ZSCAN5A: variants seen among roughly 807,000 people sequenced by gnomAD.
The protein encoded by ZSCAN5A is zinc finger and SCAN domain containing 5A, also known as zinc finger and SCAN domain-containing protein 5A.
A neutral mutation model predicts 23.7 loss-of-function variants in ZSCAN5A; 12 were observed. That is an observed-to-expected ratio of 0.51 (90% CI 0.32 to 0.82). The LOEUF (loss-of-function observed/expected upper bound fraction) is 0.82. Ranked by LOEUF, ZSCAN5A falls within the 40% of genes least tolerant of loss-of-function variation. ZSCAN5A has a pLI of 0.03. For synonymous variants in ZSCAN5A, 257 were observed against 239.9 expected (o/e 1.07, Z -0.66); for missense variants, 597 against 617.9 (o/e 0.97, Z 0.36).
At chr19:56,320,083 A>C (rs1044098677) in intron 2 of ZSCAN5A, 1 of 774,318 alleles carries the variant, frequency 1.3e-6, no homozygotes, top group African/African-American at 1.7e-5. Flanking sequence ...TATACCTGTC[A>C]CTGTCTGAAG....
intron 2 of ZSCAN5A, chr19:56,228,205 G>C (rs1017488011): frequency 5.7e-5 from 56 of 983,722 alleles, no homozygotes; most frequent in South Asian, 2.4e-4. Flanking sequence ...ACCAACCCCC[G>C]ACATGCCAGC....
intron 2 of ZSCAN5A, among the ~76,000 whole-genome samples, chr19:56,258,215 G>A (rs2036857684): frequency 6.6e-6 from 1 of 152,234 alleles, no homozygotes. Context: ...TAGTGAGGGG[G>A]TGTGGTTTCA....
In ZSCAN5A at chr19:56,351,880, G is replaced by A. The variant is rs556126006; in HGVS notation, c.-358+11355C>T. 8.7e-4 allele frequency among the ~76,000 whole-genome samples: 132 copies of A among 152,302 alleles called. 1 individual carries two copies. Among genetic ancestry groups the A allele is most frequent in the South Asian group, 5.0e-3 (24 of 4,812 alleles). On this transcript the variant is annotated intron_variant, in intron 2 of 6. Transcript: ENST00000587340. The surrounding 1 kb of genome is among the most constrained non-coding windows in gnomAD (Gnocchi z 4.8). Reference sequence around the variant, plus strand: ...GATGGCTGGTGGATCTATCTGGATTGAAGGGATTCCTTTTCCCAGCAATAA... The same window carrying A: ...GATGGCTGGTGGATCTATCTGGATTAAAGGGATTCCTTTTCCCAGCAATAA...
intron 2 of ZSCAN5A, among the ~76,000 whole-genome samples, chr19:56,356,732 T>A (rs904651452): frequency 6.7e-6 from 1 of 148,862 alleles, no homozygotes; most frequent in Non-Finnish European, 1.5e-5. Flanking sequence ...TAATTTTTAC[T>A]TTTGCCTGCA....
At chr19:56,341,651 G>A (rs1410754942) in intron 2 of ZSCAN5A, among the ~76,000 whole-genome samples, 2 of 101,832 alleles carry the variant, frequency 2.0e-5, no homozygotes, top group Non-Finnish European at 1.9e-5. Context: ...TTTAACCTCA[G>A]TTTTTTCTAA....
chr19:56,284,266 G>A (rs1022799092), intron 2 of ZSCAN5A: 31 of 781,348 alleles, frequency 4.0e-5, no homozygotes, highest in Middle Eastern at 6.5e-4. Flanking sequence ...GAAATTTTGG[G>A]CTTTGCTCTA....
Position 56,268,514 on chromosome 19 carries a change from T to C in ZSCAN5A, c.-127-43341A>G, listed in dbSNP as rs577281039. ...ACTTTTTAAATTTAGTTACTTTTAA[T>C]ATGCACAGTCCCTATGCTTGTACTG... On this transcript the variant is annotated intron_variant, in intron 2 of 5. Coordinates refer to ENST00000683990, the MANE Select transcript of ZSCAN5A (RefSeq NM_001322064.3). Among the ~76,000 whole-genome samples, 18 of 152,364 alleles carry C rather than the reference T, an allele frequency of 1.2e-4. No homozygotes were observed. The South Asian group carries it at 3.7e-3, about 32-fold the overall frequency.
chr19:56,302,095 G>A, intron 2 of ZSCAN5A: 1 of 1,231,912 alleles, frequency 8.1e-7, no homozygotes, highest in South Asian at 4.1e-5. Flanking sequence ...AAGGGGACTG[G>A]GTAAGAAGAA....
intron 2 of ZSCAN5A, among the ~76,000 whole-genome samples, chr19:56,233,207 A>G (rs1368162644): frequency 6.6e-6 from 1 of 152,054 alleles, no homozygotes; most frequent in African/African-American, 2.4e-5. Flanking sequence ...AAGTTTTTAC[A>G]TTTCACATGT....
At chr19:56,266,123 T>A (rs2037452310) in intron 2 of ZSCAN5A, 1 of 152,220 alleles carries the variant, frequency 6.6e-6, no homozygotes, top group African/African-American at 2.4e-5. Context: ...GAAATTATAA[T>A]ACTACCCAGC....
At chr19:56,316,495 C>G (rs1033042716), upstream of ZSCAN5A, 1 of 153,074 alleles carries the variant, frequency 6.5e-6, no homozygotes, top group African/African-American at 2.4e-5. Flanking sequence ...TTTTGACTAT[C>G]AGGATTAGCA....
At chr19:56,272,757 G>A in intron 2 of ZSCAN5A, 1 of 528,838 alleles carries the variant, frequency 1.9e-6, no homozygotes, top group Non-Finnish European at 2.4e-6. Context: ...TGTCCCTGGA[G>A]CCTGGGAAGA....
In ZSCAN5A at chr19:56,221,771, C is replaced by G; in HGVS notation, c.1295G>C (p.Arg432Thr). ...TQKSYLKCHK[R>T]SHTGEKPFEC... The stretch of plus-strand genomic sequence containing the variant: ...GAAGGGCTTCTCCCCTGTGTGGCTT[C>G]TCTTGTGACACTTCAAGTAGGACTT... Residue 432 changes from arginine (R) to threonine (T), a missense_variant, in exon 6 of 6, where the codon AGA (arginine) becomes ACA (threonine). Arg to Thr is a moderately conservative substitution (Grantham distance 71, BLOSUM62 -1). Around this residue, in one of 5 missense-constraint regions of ZSCAN5A, gnomAD observed 5 missense variants for 20.1 expected, o/e 0.25. Transcript: ENST00000683990. The G allele has an allele frequency of 6.2e-7, 1 of 1,614,176 alleles. No individual in the cohort carries two copies. Among genetic ancestry groups the G allele is most frequent in the Non-Finnish European group, 8.5e-7 (1 of 1,180,024 alleles).
chr19:56,326,305 T>TTGTGTGTGTGTGTGTGTGTGTG (rs368735639), intron 2 of ZSCAN5A, among the ~76,000 whole-genome samples: 2 of 145,536 alleles, frequency 1.4e-5, no homozygotes, highest in Admixed American at 6.9e-5. Flanking sequence ...ACAGTTACCA[T>TTGTGTGTGTGTGTGTGTGTGTG]TGTGTGTGTG....
rs562892095 is a variant in ZSCAN5A, at chr19:56,226,474, A to G, written c.-127-1301T>C. 4.4e-3 allele frequency among the ~76,000 whole-genome samples: 665 copies of G among 151,654 alleles called. 2 individuals carry two copies. Among genetic ancestry groups the G allele is most frequent in the African/African-American group, 0.015 (635 of 41,028 alleles). Reference sequence around the variant, plus strand: ...CCAGCAGGTCTAGGAAAAGGTGCTCATTATCACTCATCATCAGGGACATGC... The same window carrying G: ...CCAGCAGGTCTAGGAAAAGGTGCTCGTTATCACTCATCATCAGGGACATGC... On this transcript the variant is annotated intron_variant, in intron 2 of 5. Transcript: ENST00000683990.
chr19:56,329,178 G>A (rs538937428), intron 2 of ZSCAN5A, among the ~76,000 whole-genome samples: 1 of 151,740 alleles, frequency 6.6e-6, no homozygotes, highest in South Asian at 2.1e-4. Flanking sequence ...GCGAAACCCC[G>A]CCTCTACTAA....
chr19:56,264,636 G>T (rs1395272837), intron 2 of ZSCAN5A, among the ~76,000 whole-genome samples: 1 of 152,210 alleles, frequency 6.6e-6, no homozygotes, highest in African/African-American at 2.4e-5. Context: ...TATAAATAAA[G>T]TTCTATTGGA....
rs187406675 is a variant in ZSCAN5A at position 56,368,134 on chromosome 19, T to C, written c.-522+75A>G. The C allele has an allele frequency of 1.7e-3, 265 of 152,472 alleles. 1 individual carries two copies. Among genetic ancestry groups the C allele is most frequent in the Non-Finnish European group, 2.5e-3 (167 of 68,118 alleles). The allele number at this position is 152,472 out of a possible 1,614,324, so 9.4% of individuals were successfully genotyped here. A position where few individuals can be genotyped will look rare whatever the true frequency, so the allele number is the denominator to read the frequency against. On this transcript the variant is annotated intron_variant, in intron 1 of 6. Coordinates refer to the ZSCAN5A transcript ENST00000587340. ...CCCCACGGCCGAACTCACGCCTACG[T>C]ACTCAGTCACCAGCGGAACCCTCTC...
At chr19:56,263,829 AT>A in intron 2 of ZSCAN5A, 1 of 152,184 alleles carries the variant, frequency 6.6e-6, no homozygotes, top group Non-Finnish European at 1.5e-5. Context: ...AATAACAATA[AT>A]TATAATAGTA....
Sources: gnomAD v4.1 joint callset for allele counts (sites outside exome capture counted in the v4.1 genomes callset) on GRCh38, gnomAD v4.1.1 for gene constraint, gnomAD v4.1.1 regional missense constraint, Gnocchi (gnomAD v3.1) non-coding constraint, MANE v1.5 for transcripts, NCBI Gene and HGNC (gene_info 2026-07-23, HGNC 2026-07-21) for gene names.